Variants in PAPOLA observed in about 807,000 individuals in gnomAD.
The protein encoded by PAPOLA is polynucleotide adenylyltransferase alpha.
PAPOLA carries 15 observed loss-of-function variants against 100.6 expected under a neutral mutation model. That is an observed-to-expected ratio of 0.15 (90% CI 0.10 to 0.23). PAPOLA has a LOEUF of 0.23. Ranked by LOEUF, PAPOLA falls within the 10% of genes least tolerant of loss-of-function variation. The probability of loss-of-function intolerance (pLI) is 1.00; values close to 1 mark genes in which losing one functional copy is unlikely to be tolerated. For missense variants in PAPOLA, 533 were observed against 884.2 expected, an observed-to-expected ratio of 0.60 and a Z score of 5.04; for synonymous variants, 293 against 300.0, an observed-to-expected ratio of 0.98 and a Z score of 0.24.
intron 3 of PAPOLA, among the ~76,000 whole-genome samples, chr14:96,522,360 C>T (rs1422720925): frequency 6.6e-6 from 1 of 151,654 alleles, no homozygotes; most frequent in African/African-American, 2.4e-5. Flanking sequence ...CTCAAGTGAT[C>T]TGCCCACCTC....
intron 19 of PAPOLA, among the ~76,000 whole-genome samples, chr14:96,557,746 C>CTT (rs775920112): frequency 1.5e-5 from 2 of 132,676 alleles, no homozygotes; most frequent in African/African-American, 5.6e-5. Context: ...CTTTTTCTTT[C>CTT]TTTTTTTTTT....
chr14:96,522,833 AATAAC>A (rs1232941091), intron 3 of PAPOLA, among the ~76,000 whole-genome samples: 2 of 152,222 alleles, frequency 1.3e-5, no homozygotes, highest in Non-Finnish European at 2.9e-5. Flanking sequence ...CATTTAAAAA[AATAAC>A]ATAAATAGTG....
chr14:96,528,515 T>G (rs1898693705), intron 6 of PAPOLA, among the ~76,000 whole-genome samples: 1 of 152,210 alleles, frequency 6.6e-6, no homozygotes, highest in Non-Finnish European at 1.5e-5. Flanking sequence ...TGAAGCAACT[T>G]TAGTAATTCA....
intron 1 of PAPOLA, among the ~76,000 whole-genome samples, chr14:96,510,477 A>AC (rs1449360054): frequency 1.3e-5 from 2 of 149,790 alleles, no homozygotes; most frequent in African/African-American, 5.0e-5. Flanking sequence ...CACAACACAC[A>AC]CGCGCGCGTG....
At chr14:96,553,700 C>T (rs927849818) in intron 17 of PAPOLA, among the ~76,000 whole-genome samples, 62 of 152,070 alleles carry the variant, frequency 4.1e-4, no homozygotes, top group African/African-American at 1.3e-3. Flanking sequence ...TTTGTGGAGA[C>T]GGGGTTTCAC....
chr14:96,537,952 A>G (rs1379303010), intron 12 of PAPOLA: 1 of 152,022 alleles, frequency 6.6e-6, no homozygotes. Context: ...AGAAAGCAAT[A>G]ACGGAGCCAG....
In PAPOLA at chr14:96,535,941, C is replaced by T; in HGVS notation, c.972C>T (p.Asn324=). 2.5e-6 allele frequency: 4 copies of T among 1,608,812 alleles called. No individual in the cohort carries two copies. Among genetic ancestry groups the T allele is most frequent in the Non-Finnish European group, 3.4e-6 (4 of 1,177,106 alleles). The stretch of plus-strand genomic sequence containing the variant: ...TTACACCAGCATACCCACAACAGAA[C>T]TCCACGTACAATGTGTCCGTTTCAA... ...PIITPAYPQQ[N]STYNVSVSTR... is the part of the protein sequence containing the mutation. Residue 324 remains asparagine, a synonymous_variant, in exon 11 of 22, where the codon AAC becomes AAT. Coordinates refer to ENST00000216277, the MANE Select transcript of PAPOLA (RefSeq NM_032632.5).
At chr14:96,502,981 C>T in intron 1 of PAPOLA, 1 of 234,778 alleles carries the variant, frequency 4.3e-6, no homozygotes. Flanking sequence ...CTGCTGCACG[C>T]GGGATCAGCA....
intron 20 of PAPOLA, chr14:96,562,369 A>G (rs1317152348): frequency 1.3e-5 from 2 of 152,074 alleles, no homozygotes; most frequent in African/African-American, 2.4e-5. Flanking sequence ...TTTTTTAGAC[A>G]TATTTTCTAC....
rs1899186847 is a variant in PAPOLA, at chr14:96,533,102, C to G, written c.836+453C>G. 2.0e-6 allele frequency: 2 copies of G among 979,362 alleles called. 1 individual carries two copies. The highest frequency in any genetic ancestry group is 9.4e-5 in the South Asian group (2 of 21,174). The allele number at this position is 979,362 out of a possible 1,614,324, so 60.7% of individuals were successfully genotyped here. On this transcript the variant is annotated intron_variant, in intron 9 of 21. Coordinates refer to ENST00000216277, the MANE Select transcript of PAPOLA (RefSeq NM_032632.5). The stretch of plus-strand genomic sequence containing the variant: ...TAAAGATACGAATTTTCATAAGAAG[C>G]TTTTAAAGAATAAATTAACATTAAG...
In PAPOLA at chr14:96,566,444, T is replaced by A. The variant is rs1380902722; in HGVS notation, c.*1394T>A. The stretch of plus-strand genomic sequence containing the variant: ...CTTTCTGAATCTGGACAAAGTCGAC[T>A]TAACAGATTTTTCTGATGAGCATGT... On this transcript the variant is annotated 3_prime_UTR_variant, in exon 22 of 22. Transcript: ENST00000216277. 2 of 152,616 alleles carry A rather than the reference T, an allele frequency of 1.3e-5. No individual in the cohort carries two copies. The highest frequency in any genetic ancestry group is 4.8e-5 in the African/African-American group (2 of 41,452). 9.5% of individuals were successfully genotyped at this position (152,616 alleles called of 1,614,324 possible).
chr14:96,541,101 G>C (rs1899949943), intron 12 of PAPOLA, among the ~76,000 whole-genome samples: 1 of 152,146 alleles, frequency 6.6e-6, no homozygotes, highest in Non-Finnish European at 1.5e-5. Flanking sequence ...GTGTTAGCCA[G>C]GATGGTCTCA....
At chr14:96,530,517 A>G (rs1277921499) in intron 6 of PAPOLA, among the ~76,000 whole-genome samples, 1 of 151,378 alleles carries the variant, frequency 6.6e-6, no homozygotes, top group Admixed American at 6.6e-5. Flanking sequence ...CCCCCCAAGT[A>G]GGTGGGACTA....
rs377164585 is a variant in PAPOLA, at chr14:96,522,419, C to CT, written c.249+1358dup. The stretch of plus-strand genomic sequence containing the variant: ...CAGGCGTGAGGTACTGTTCTGTCCT[C>CT]TTTTTTTTTTTGAGACAGGGTCTCC... On this transcript the variant is annotated intron_variant, in intron 3 of 21. Coordinates refer to ENST00000216277, the MANE Select transcript of PAPOLA (RefSeq NM_032632.5). 7.1e-3 allele frequency among the ~76,000 whole-genome samples: 1,034 copies of CT among 145,694 alleles called. 11 individuals are homozygous for CT. Among genetic ancestry groups the CT allele is most frequent in the African/African-American group, 0.02 (788 of 40,060 alleles).
intron 1 of PAPOLA, among the ~76,000 whole-genome samples, chr14:96,507,136 C>T (rs1296193294): frequency 6.6e-6 from 1 of 152,158 alleles, no homozygotes; most frequent in Non-Finnish European, 1.5e-5. Flanking sequence ...TCTTCATATG[C>T]TTCAACTAGA....
At chr14:96,536,596 G>C (rs999887704) in intron 11 of PAPOLA, among the ~76,000 whole-genome samples, 1 of 151,990 alleles carries the variant, frequency 6.6e-6, no homozygotes, top group Admixed American at 6.6e-5. Flanking sequence ...TTAGTCTAAA[G>C]AGGCCCATCA....
At chr14:96,561,022 GC>G (rs1465129711) in intron 20 of PAPOLA, among the ~76,000 whole-genome samples, 1 of 152,172 alleles carries the variant, frequency 6.6e-6, no homozygotes, top group Non-Finnish European at 1.5e-5. Flanking sequence ...ATTTCTGACT[GC>G]AGAAATAGCA....
chr14:96,547,780 A>AT lies in PAPOLA; in HGVS notation c.1400-14dup, dbSNP rs1566860175. 6.4e-7 allele frequency: 1 copy of AT among 1,572,288 alleles called. No homozygotes were observed. The highest frequency in any genetic ancestry group is 2.3e-5 in the East Asian group (1 of 44,196). On this transcript the variant is annotated splice_polypyrimidine_tract_variant and intron_variant, in intron 15 of 21. Coordinates refer to ENST00000216277, the MANE Select transcript of PAPOLA (RefSeq NM_032632.5). ...TAAAATGTTTCTATTTCTTGTAACA[A>AT]TTTCCTAATTGTATAGTTTATAGGC...
At chr14:96,543,089 C>A (rs533453369) in intron 14 of PAPOLA, among the ~76,000 whole-genome samples, 196 bp downstream of exon 14, 2 of 152,184 alleles carry the variant, frequency 1.3e-5, no homozygotes, top group African/African-American at 4.8e-5. Flanking sequence ...AAAATCAGCA[C>A]ACATTTTTTT....
Sources: gnomAD v4.1 joint callset for allele counts (sites outside exome capture counted in the v4.1 genomes callset) on GRCh38, gnomAD v4.1.1 for gene constraint, MANE v1.5 for transcripts, NCBI Gene and HGNC (gene_info 2026-07-23, HGNC 2026-07-21) for gene names.